The following TSHZ2 variants were observed in gnomAD, a reference collection of about 807,000 sequenced individuals.
TSHZ2 encodes teashirt homolog 2.
Under a neutral mutation model 74.4 loss-of-function variants are expected in TSHZ2, and 21 were observed. That is an observed-to-expected ratio of 0.28 (90% CI 0.20 to 0.41). The LOEUF is 0.41. Ranked by LOEUF, TSHZ2 falls within the 10% of genes least tolerant of loss-of-function variation. The pLI, the probability that TSHZ2 is intolerant of heterozygous loss-of-function variation, is 1.00. For synonymous variants in TSHZ2, 540 were observed against 515.3 expected (o/e 1.05, Z -0.65); for missense variants, 1,244 against 1,293.5 (o/e 0.96, Z 0.59).
intron 2 of TSHZ2, among the ~76,000 whole-genome samples, chr20:53,386,497 G>C (rs1460981811): frequency 1.3e-5 from 2 of 152,168 alleles, no homozygotes; most frequent in African/African-American, 4.8e-5. Flanking sequence ...TGATCCTATG[G>C]CTCCAGGGAA....
chr20:53,469,634 GAGGA>G (rs756806325), intron 2 of TSHZ2, among the ~76,000 whole-genome samples: 1,976 of 35,384 alleles, frequency 0.056, 94 homozygotes, highest in Non-Finnish European at 0.066. Context: ...GGAAGGGAGG[GAGGA>G]AGGAAGGAAG....
At chr20:53,320,214 A>G (rs770088579) in intron 2 of TSHZ2, among the ~76,000 whole-genome samples, 1 of 152,116 alleles carries the variant, frequency 6.6e-6, no homozygotes, top group Non-Finnish European at 1.5e-5. Flanking sequence ...CACTCATCAT[A>G]GTGGCTTCTA....
rs188534123 is a variant in TSHZ2 at position 53,035,682 on chromosome 20, A to C, written c.40+62349A>C. 7.2e-5 allele frequency among the ~76,000 whole-genome samples: 11 copies of C among 152,360 alleles called. No homozygotes were observed. The East Asian group carries it at 2.1e-3, about 29-fold the overall frequency. Reference sequence around the variant, plus strand: ...GGATATGAGGAAAGGGAGGTAGATAACAGTCCCTACTCTCAGGGAGCTTTC... The same window carrying C: ...GGATATGAGGAAAGGGAGGTAGATACCAGTCCCTACTCTCAGGGAGCTTTC... On this transcript the variant is annotated intron_variant, in intron 1 of 2. Coordinates refer to ENST00000371497, the MANE Select transcript of TSHZ2 (RefSeq NM_173485.6).
intron 1 of TSHZ2, among the ~76,000 whole-genome samples, chr20:53,160,343 G>A (rs117454734): frequency 3.7e-3 from 567 of 152,256 alleles, no homozygotes; most frequent in Non-Finnish European, 5.8e-3. Flanking sequence ...AATCCCTTAT[G>A]GCTATGCCGA....
intron 2 of TSHZ2, among the ~76,000 whole-genome samples, chr20:53,308,832 A>G (rs1978657080): frequency 6.6e-6 from 1 of 152,204 alleles, no homozygotes; most frequent in East Asian, 1.9e-4. Flanking sequence ...AGGCGAGAGC[A>G]TTGTCGGGCA....
intron 2 of TSHZ2, among the ~76,000 whole-genome samples, chr20:53,451,259 G>A (rs528540565): frequency 5.9e-5 from 9 of 152,144 alleles, no homozygotes; most frequent in Non-Finnish European, 1.0e-4. Context: ...TCTCAAAGTT[G>A]ACTGATTAAA....
At chr20:53,190,831 A>C (rs1804620853) in intron 1 of TSHZ2, among the ~76,000 whole-genome samples, 1 of 152,322 alleles carries the variant, frequency 6.6e-6, no homozygotes, top group Non-Finnish European at 1.5e-5. Flanking sequence ...AAAAGTGGGC[A>C]TCACCCTACC....
At chr20:53,189,824 C>G (rs1206416521) in intron 1 of TSHZ2, among the ~76,000 whole-genome samples, 4 of 151,808 alleles carry the variant, frequency 2.6e-5, no homozygotes, top group African/African-American at 7.3e-5. Context: ...TGGCTCACGC[C>G]TACAATCCCA....
intron 2 of TSHZ2, among the ~76,000 whole-genome samples, chr20:53,333,520 A>G (rs945198992): frequency 1.3e-5 from 2 of 151,120 alleles, no homozygotes; most frequent in African/African-American, 2.4e-5. Context: ...CAGTGGCACG[A>G]TCTCAGCTCA....
intron 2 of TSHZ2, among the ~76,000 whole-genome samples, chr20:53,303,501 G>A (rs940705955): frequency 2.0e-5 from 3 of 152,212 alleles, no homozygotes; most frequent in Non-Finnish European, 4.4e-5. Context: ...CGGTATCACA[G>A]ACAGCGATTA....
At position 53,490,593 on chromosome 20, in the gene TSHZ2, TC is replaced by T. The variant is rs1986420204; in HGVS notation, c.*3462del. ...GGAATAAACTGGATAACCCAGACAG[TC>T]CCCACAGAATTTCTTTCAGGTCACA... On this transcript the variant is annotated 3_prime_UTR_variant, in exon 3 of 3. Transcript: ENST00000371497. The T allele has an allele frequency of 6.6e-6, 1 of 152,148 alleles. No individual in the cohort carries two copies. The highest frequency in any genetic ancestry group is 1.9e-4 in the East Asian group (1 of 5,198). The allele number at this position is 152,148 out of a possible 1,614,324, so 9.4% of individuals were successfully genotyped here.
chr20:53,203,541 G>A (rs1989061240), intron 1 of TSHZ2, among the ~76,000 whole-genome samples: 1 of 151,976 alleles, frequency 6.6e-6, no homozygotes, highest in South Asian at 2.1e-4. Flanking sequence ...TGTGGGAAAT[G>A]AGAAAGATGG....
At chr20:53,432,093 C>T (rs570521275) in intron 2 of TSHZ2, among the ~76,000 whole-genome samples, 64 of 152,084 alleles carry the variant, frequency 4.2e-4, no homozygotes, top group Non-Finnish European at 7.8e-4. Context: ...GAGTAGTGTA[C>T]CCAAAATGTA....
intron 2 of TSHZ2, among the ~76,000 whole-genome samples, chr20:53,303,243 T>C (rs1978383586): frequency 6.6e-6 from 1 of 152,194 alleles, no homozygotes; most frequent in Non-Finnish European, 1.5e-5. Flanking sequence ...TCTAGATGAG[T>C]TCTGCGCCCT....
At chr20:53,236,709 T>C (rs1989947433) in intron 1 of TSHZ2, among the ~76,000 whole-genome samples, 1 of 152,206 alleles carries the variant, frequency 6.6e-6, no homozygotes, top group South Asian at 2.1e-4. Flanking sequence ...GAGGTTTAAT[T>C]GACTCACAGT....
At chr20:53,110,335 A>C (rs1986495748) in intron 1 of TSHZ2, among the ~76,000 whole-genome samples, 1 of 151,586 alleles carries the variant, frequency 6.6e-6, no homozygotes, top group South Asian at 2.1e-4. Flanking sequence ...ATTCCCATAC[A>C]TGTTCCAATA....
intron 1 of TSHZ2, among the ~76,000 whole-genome samples, chr20:53,191,195 T>C (rs2123543324): frequency 6.6e-6 from 1 of 152,300 alleles, no homozygotes; most frequent in East Asian, 1.9e-4. Flanking sequence ...TATTACGTAT[T>C]GTATTGTATA....
chr20:53,417,370 T>C (rs1339257096), intron 2 of TSHZ2, among the ~76,000 whole-genome samples: 1 of 151,934 alleles, frequency 6.6e-6, no homozygotes, highest in Non-Finnish European at 1.5e-5. Context: ...AATCTTGGCT[T>C]ACTGCAACCT....
At chr20:53,382,308 T>C (rs1459257592) in intron 2 of TSHZ2, among the ~76,000 whole-genome samples, 1 of 152,142 alleles carries the variant, frequency 6.6e-6, no homozygotes, top group Non-Finnish European at 1.5e-5. Flanking sequence ...GCTCAGGAAA[T>C]GTTCCTCCGA....
Sources: allele counts gnomAD v4.1 joint callset (sites outside exome capture counted in the v4.1 genomes callset), GRCh38; gene constraint gnomAD v4.1.1; transcripts MANE v1.5; gene names NCBI Gene and HGNC (gene_info 2026-07-23, HGNC 2026-07-21).